TOP6BL: variants seen among roughly 807,000 people sequenced by gnomAD.
The protein encoded by TOP6BL is TOP6B like initiator of meiotic double strand breaks.
chr11:66,755,154 C>G, the TOP6BL span, among the ~76,000 whole-genome samples: 1 of 148,160 alleles, frequency 6.7e-6, no homozygotes, highest in Non-Finnish European at 1.5e-5. Flanking sequence ...GAGTCTCACT[C>G]TGTTGCCCAG....
At chr11:66,756,483 C>G in the TOP6BL span, 1 of 1,065,168 alleles carries the variant, frequency 9.4e-7, no homozygotes, top group Non-Finnish European at 1.2e-6. Flanking sequence ...CAGATGCCCA[C>G]CACCATGCCT....
At chr11:66,840,224 C>G in the TOP6BL span, among the ~76,000 whole-genome samples, 13 of 152,160 alleles carry the variant, frequency 8.5e-5, no homozygotes, top group Admixed American at 8.5e-4. Flanking sequence ...GTTTGTCAGT[C>G]CTTCCCCCTG....
the TOP6BL span, among the ~76,000 whole-genome samples, chr11:66,750,653 AT>A: frequency 3.3e-5 from 5 of 151,654 alleles, no homozygotes; most frequent in African/African-American, 7.3e-5. Flanking sequence ...CTGTTAATTG[AT>A]TATTTAATAT....
chr11:66,803,974 G>C, the TOP6BL span: 2 of 1,564,504 alleles, frequency 1.3e-6, no homozygotes, highest in South Asian at 2.4e-5. Context: ...TGTTAAATTT[G>C]ACTTGTCTGT....
chr11:66,758,307 T>TTTTTTTTC, the TOP6BL span: 5 of 17,898 alleles, frequency 2.8e-4, no homozygotes, highest in Admixed American at 6.3e-3. Context: ...TTTTTCTTTT[T>TTTTTTTTC]TTTTTTTTTT....
At chr11:66,842,906 A>G in the TOP6BL span, 1 of 1,572,024 alleles carries the variant, frequency 6.4e-7, no homozygotes, top group Non-Finnish European at 8.6e-7. Flanking sequence ...CGCATAGAGG[A>G]GATGCGAGCT....
chr11:66,799,777 C>T, the TOP6BL span, among the ~76,000 whole-genome samples: 1 of 151,560 alleles, frequency 6.6e-6, no homozygotes, highest in South Asian at 2.1e-4. Flanking sequence ...ACAGGATTTC[C>T]TTCTTTTTAA....
At chr11:66,751,709 C>G in the TOP6BL span, among the ~76,000 whole-genome samples, 3 of 152,042 alleles carry the variant, frequency 2.0e-5, no homozygotes, top group Non-Finnish European at 4.4e-5. Flanking sequence ...TGATGGCTCT[C>G]TTTAATATCT....
At chr11:66,796,626 T>G in the TOP6BL span, among the ~76,000 whole-genome samples, 1 of 151,654 alleles carries the variant, frequency 6.6e-6, no homozygotes, top group Admixed American at 6.6e-5. Flanking sequence ...CAAAAAAAAT[T>G]TTAAAAATTA....
At chr11:66,786,923 A>C in the TOP6BL span, among the ~76,000 whole-genome samples, 2 of 149,958 alleles carry the variant, frequency 1.3e-5, no homozygotes, top group Admixed American at 1.3e-4. Flanking sequence ...ATTGATAGCT[A>C]CAATTTTTGT....
the TOP6BL span, chr11:66,771,632 AT>A: frequency 6.4e-6 from 1 of 155,774 alleles, no homozygotes; most frequent in Non-Finnish European, 1.4e-5. Context: ...TGACCAGGCG[AT>A]TGACAGCTGC....
chr11:66,798,674 A>C, the TOP6BL span, among the ~76,000 whole-genome samples: 5 of 152,004 alleles, frequency 3.3e-5, no homozygotes, highest in African/African-American at 1.2e-4. Flanking sequence ...GATTTCTGAT[A>C]ATTTGTGACA....
the TOP6BL span, chr11:66,800,976 CAG>C: frequency 4.8e-5 from 76 of 1,582,764 alleles, 2 homozygotes; most frequent in South Asian, 4.9e-4. Flanking sequence ...TTATGTCAAA[CAG>C]AGATTGATTT....
chr11:66,788,116 T>C, the TOP6BL span: 4 of 1,395,872 alleles, frequency 2.9e-6, no homozygotes, highest in East Asian at 9.2e-5. Flanking sequence ...CTGGTTCTTA[T>C]CCAAACTGCT....
At chr11:66,807,269 T>C in the TOP6BL span, among the ~76,000 whole-genome samples, 1 of 152,102 alleles carries the variant, frequency 6.6e-6, no homozygotes, top group African/African-American at 2.4e-5. Flanking sequence ...CTAGATGAAA[T>C]ATTAAAACAT....
chr11:66,832,993 A>G, the TOP6BL span, among the ~76,000 whole-genome samples: 1 of 150,382 alleles, frequency 6.6e-6, no homozygotes, highest in Admixed American at 6.6e-5. Context: ...TCCAAACTGT[A>G]ACTCCATCTT....
the TOP6BL span, among the ~76,000 whole-genome samples, chr11:66,825,998 C>T: frequency 5.3e-5 from 8 of 152,148 alleles, no homozygotes; most frequent in East Asian, 7.7e-4. Context: ...CCCGCCACCA[C>T]GCCCAGCTAA....
At chr11:66,840,735 A>G in the TOP6BL span, among the ~76,000 whole-genome samples, 1 of 152,066 alleles carries the variant, frequency 6.6e-6, no homozygotes, top group African/African-American at 2.4e-5. Context: ...ATTTACCTTC[A>G]TTGTATCTGA....
the TOP6BL span, among the ~76,000 whole-genome samples, chr11:66,796,644 G>A: frequency 6.6e-6 from 1 of 151,980 alleles, no homozygotes; most frequent in African/African-American, 2.4e-5. Context: ...TTAGCCAGGT[G>A]TGGTAGTGAG....
Sources: gnomAD v4.1 joint callset for allele counts (sites outside exome capture counted in the v4.1 genomes callset) on GRCh38, gnomAD v4.1.1 for gene constraint, MANE v1.5 for transcripts, NCBI Gene and HGNC (gene_info 2026-07-23, HGNC 2026-07-21) for gene names.